Variants in MIB2 observed in about 807,000 individuals in gnomAD.
The protein encoded by MIB2 is E3 ubiquitin-protein ligase MIB2.
Under a neutral mutation model 96.6 loss-of-function variants are expected in MIB2, and 78 were observed. The ratio of observed to expected loss-of-function variants is 0.81; its 90% CI spans 0.67 to 0.97. The LOEUF (loss-of-function observed/expected upper bound fraction) is 0.97. Ranked by LOEUF, MIB2 falls within the 50% of genes least tolerant of loss-of-function variation. The pLI, the probability that MIB2 is intolerant of heterozygous loss-of-function variation, is 0.00. For synonymous variants in MIB2, 820 were observed against 629.5 expected, an observed-to-expected ratio of 1.30 and a Z score of -4.53; for missense variants, 1,543 against 1,424.0, an observed-to-expected ratio of 1.08 and a Z score of -1.35.
At chr1:1,615,015 C>CA (rs70937160), upstream of MIB2, 38 of 147,114 alleles carry the variant, frequency 2.6e-4, no homozygotes, top group South Asian at 2.7e-3. Flanking sequence ...GCTCCGTCTC[C>CA]AAAAAAAAAA....
chr1:1,614,061 A>G (rs1434845230), upstream of MIB2: 6 of 146,792 alleles, frequency 4.1e-5, no homozygotes, highest in Non-Finnish European at 4.6e-5. Flanking sequence ...ATTAACTCAA[A>G]AGAAAAAAAA....
Position 1,625,577 on chromosome 1 carries a change from T to G in MIB2, c.896T>G (p.Ile299Ser). The G allele has an allele frequency of 1.9e-6, 3 of 1,585,202 alleles. No homozygotes were observed. Among genetic ancestry groups the G allele is most frequent in the Non-Finnish European group, 2.6e-6 (3 of 1,166,388 alleles). The change falls in exon 8 of 20, where the codon ATC becomes AGC. Residue 299 changes from isoleucine to serine, a missense_variant. Transcript: ENST00000355826. This position sits in a 1 kb window ranked among gnomAD's most constrained non-coding sequence, Gnocchi z 5.0. ...FIGQTGTVHRITDRGDVRVQF... is the reference protein window; with the variant it reads ...FIGQTGTVHRSTDRGDVRVQF... ...GGACAGACGGGCACCGTGCATCGTA[T>G]CACGGACCGCGGGGACGTGCGCGTG... is the stretch of plus-strand genomic sequence containing the variant.
chr1:1,615,220 G>A, upstream of MIB2: 1 of 711,956 alleles, frequency 1.4e-6, no homozygotes, highest in Non-Finnish European at 2.1e-6. Context: ...CCGCACTGGT[G>A]GAGTCGGAAA....
At chr1:1,618,385 G>A (rs1643937225) in intron 2 of MIB2, 1 of 152,448 alleles carries the variant, frequency 6.6e-6, no homozygotes, top group African/African-American at 2.4e-5. Context: ...TGGAGGCAGA[G>A]GGAGTGAGGG....
At position 1,626,945 on chromosome 1, in the gene MIB2, C is replaced by A; in HGVS notation, c.1186C>A (p.Arg396=). The A allele has an allele frequency of 3.7e-6, 6 of 1,610,912 alleles. No homozygotes were observed. The highest frequency in any genetic ancestry group is 1.1e-5 in the South Asian group (1 of 90,928). The change falls in exon 10 of 20, where the codon CGG becomes AGG. Residue 396 remains arginine (R), a synonymous_variant. Transcript: ENST00000355826. This position sits in a 1 kb window ranked among gnomAD's most constrained non-coding sequence, Gnocchi z 5.3. ...CAGCCCCTCCTGCCTGGTGGCCTACCGGCCCGAGGAGGATGCCAACCTGGA... is the reference window on the plus strand; with the variant it reads ...CAGCCCCTCCTGCCTGGTGGCCTACAGGCCCGAGGAGGATGCCAACCTGGA... The part of the protein sequence containing the change: ...TFSPSCLVAY[R]PEEDANLDVA...
chr1:1,629,413 C>G lies in MIB2; in HGVS notation c.2410C>G (p.Pro804Ala). The part of the protein sequence containing the change: ...RERQAGGGAA[P>A]GPRQTLGTPN... The stretch of plus-strand genomic sequence containing the variant: ...GCGGCAGGCGGGCGGGGGCGCGGCC[C>G]CGGGCCCCAGGCAAACGCTCGGGAC... Residue 804 changes from proline to alanine, a missense_variant, in exon 18 of 20, where the codon CCG (proline) becomes GCG (alanine). Transcript: ENST00000355826. 1 of 1,474,188 alleles carries G rather than the reference C, an allele frequency of 6.8e-7. No individual in the cohort carries two copies. Among genetic ancestry groups the G allele is most frequent in the African/African-American group, 1.5e-5 (1 of 68,030 alleles). The allele number at this position is 1,474,188 out of a possible 1,614,324, so 91.3% of individuals were successfully genotyped here.
At chr1:1,622,890 C>T (rs1450827234) in intron 2 of MIB2, among the ~76,000 whole-genome samples, 5 of 152,140 alleles carry the variant, frequency 3.3e-5, no homozygotes, top group South Asian at 2.1e-4. Flanking sequence ...TCTTGTACGG[C>T]GCCTGCATCG....
chr1:1,616,213 G>A (rs1643642336), intron 1 of MIB2: 5 of 627,566 alleles, frequency 8.0e-6, no homozygotes, highest in South Asian at 7.0e-5. Flanking sequence ...TGCCCGCCGT[G>A]CCCGCCCCTG....
In MIB2 at chr1:1,629,388, G is replaced by A; in HGVS notation, c.2385G>A (p.Glu795=). ...ALQGCAQRFR[E]RQAGGGAAPG... is the part of the protein sequence containing the mutation. ...AAGCCGCCTCCTCCCCCTGCAGGGA[G>A]CGGCAGGCGGGCGGGGGCGCGGCCC... is the stretch of plus-strand genomic sequence containing the variant. Residue 795 remains glutamate, a synonymous_variant, in exon 18 of 20, where the codon GAG becomes GAA. Transcript: ENST00000355826. 2.1e-6 allele frequency: 3 copies of A among 1,443,416 alleles called. No individual in the cohort carries two copies. The highest frequency in any genetic ancestry group is 1.8e-6 in the Non-Finnish European group (2 of 1,111,510). 89.4% of individuals were successfully genotyped at this position (1,443,416 alleles called of 1,614,324 possible).
At chr1:1,615,466 G>A, upstream of MIB2, 2 of 1,518,140 alleles carry the variant, frequency 1.3e-6, no homozygotes, top group East Asian at 2.5e-5. Flanking sequence ...GGCCATGGCG[G>A]GGGCGCTCCG....
At chr1:1,615,926 G>T (rs958178513) in intron 1 of MIB2, 163 of 994,686 alleles carry the variant, frequency 1.6e-4, no homozygotes, top group Non-Finnish European at 1.9e-4. Flanking sequence ...CGTCCGGGCC[G>T]GGTGGGCTGC....
chr1:1,629,845 G>GC (rs202043004), intron 19 of MIB2, 141 bp downstream of exon 19: 6 of 890,318 alleles, frequency 6.7e-6, no homozygotes, highest in African/African-American at 4.3e-5. Flanking sequence ...CTCACACCCG[G>GC]CCCCCCAGCC....
intron 2 of MIB2, among the ~76,000 whole-genome samples, chr1:1,620,982 C>T (rs370028211): frequency 3.0e-4 from 45 of 152,362 alleles, no homozygotes; most frequent in African/African-American, 9.9e-4. Context: ...CTGGGTGAGG[C>T]GCAGTCAGCG....
chr1:1,628,686 CG>C lies in MIB2; in HGVS notation c.2173del (p.Asp725ThrfsTer22), dbSNP rs747046371. 54 of 1,569,878 alleles carry C rather than the reference CG, an allele frequency of 3.4e-5. No homozygotes were observed. The highest frequency in any genetic ancestry group is 5.8e-5 in the South Asian group (5 of 86,478). On this transcript the variant is annotated frameshift_variant, in exon 16 of 20. Transcript: ENST00000355826. LOFTEE classifies it high-confidence loss of function. ...TGCTGCCCCTGGTGGCTGATGGGGC[CG>C]GGGGGGACCCAGGGCCCTTGCAGCT... ...QLLPLVADGA[G>X]GDPGPLQLLS...
At position 1,627,080 on chromosome 1, in the gene MIB2, T is replaced by G; in HGVS notation, c.1247T>G (p.Leu416Arg). The change falls in exon 11 of 20, where the codon CTG becomes CGG. Residue 416 changes from leucine (L) to arginine (R), a missense_variant. By Grantham distance (102) the Leu-to-Arg change is moderately radical (BLOSUM62 -2). Transcript: ENST00000355826. ...ACCTCAGCCCTGCCCCCAGGCTCAC[T>G]GAGCGTGGCCCTGGACAAGCTTCGG... The part of the protein sequence containing the change: ...AERARENKSS[L>R]SVALDKLRAQ... The G allele has an allele frequency of 6.2e-7, 1 of 1,600,504 alleles. No individual in the cohort carries two copies. Among genetic ancestry groups the G allele is most frequent in the Non-Finnish European group, 8.5e-7 (1 of 1,173,986 alleles).
chr1:1,627,621 C>T (rs915943406), intron 12 of MIB2, 52 bp from the exon 13 acceptor site: 6 of 1,548,280 alleles, frequency 3.9e-6, no homozygotes, highest in South Asian at 2.4e-5. Context: ...TGAGCCTGTG[C>T]GTCCAGCCAC....
At chr1:1,615,271 G>C (rs1268153797), upstream of MIB2, 6 of 1,222,100 alleles carry the variant, frequency 4.9e-6, no homozygotes, top group Non-Finnish European at 6.4e-6. Context: ...GTGCCAGCGA[G>C]CGCGACGTCG....
At chr1:1,616,442 A>C in intron 1 of MIB2, 66 bp from the exon 2 acceptor site, 1 of 1,201,146 alleles carries the variant, frequency 8.3e-7, no homozygotes, top group South Asian at 1.5e-5. Flanking sequence ...CCCCGGGGGC[A>C]GACAGGCGAC....
In MIB2 at chr1:1,615,523, A is replaced by T; in HGVS notation, c.-240A>T. 2 of 1,531,318 alleles carry T rather than the reference A, an allele frequency of 1.3e-6. No homozygotes were observed. The highest frequency in any genetic ancestry group is 2.4e-5 in the South Asian group (2 of 83,222). 94.9% of individuals were successfully genotyped at this position (1,531,318 alleles called of 1,614,324 possible). A position where few individuals can be genotyped will look rare whatever the true frequency, so the allele number is the denominator to read the frequency against. ...CCGCCCTTCGGGTCCCACAGTTTCC[A>T]GCCGCCGCTCTCCTCAGTGCCCGGT... On this transcript the variant is annotated 5_prime_UTR_variant, in exon 1 of 20. Transcript: ENST00000355826.
Sources: gnomAD v4.1 joint callset for allele counts (sites outside exome capture counted in the v4.1 genomes callset) on GRCh38, gnomAD v4.1.1 for gene constraint, Gnocchi (gnomAD v3.1) non-coding constraint, MANE v1.5 for transcripts, NCBI Gene and HGNC (gene_info 2026-07-23, HGNC 2026-07-21) for gene names.